SGCE: variants seen among roughly 807,000 people sequenced by gnomAD.
SGCE encodes the protein epsilon-sarcoglycan.
A neutral mutation model predicts 57.8 loss-of-function variants in SGCE; 26 were observed. The ratio of observed to expected loss-of-function variants is 0.45; its 90% CI spans 0.33 to 0.62. The LOEUF (loss-of-function observed/expected upper bound fraction) is 0.62. Among genes scored for constraint, SGCE ranks in the 20% least tolerant of loss-of-function variants. SGCE has a pLI of 0.02. For synonymous variants in SGCE, 183 were observed against 189.5 expected, an observed-to-expected ratio of 0.97 and a Z score of 0.28; for missense variants, 468 against 548.6, an observed-to-expected ratio of 0.85 and a Z score of 1.47.
chr7:94,587,284 A>G (rs1797035508), intron 10 of SGCE: 1 of 989,270 alleles, frequency 1.0e-6, no homozygotes, highest in South Asian at 4.7e-5. Context: ...CCCTAATATC[A>G]TCTACTCAAG....
intron 5 of SGCE, among the ~76,000 whole-genome samples, chr7:94,615,917 T>C (rs1801863365): frequency 6.6e-6 from 1 of 152,164 alleles, no homozygotes; most frequent in African/African-American, 2.4e-5. Flanking sequence ...GGAGGAAAAG[T>C]AGCACCAAGA....
intron 4 of SGCE, chr7:94,621,742 A>G (rs760745602): frequency 6.6e-6 from 1 of 152,198 alleles, no homozygotes; most frequent in African/African-American, 2.4e-5. Flanking sequence ...TATTCTGCTC[A>G]TTAAGTGTAT....
chr7:94,636,240 T>C (rs1805577853), intron 1 of SGCE, among the ~76,000 whole-genome samples: 1 of 152,204 alleles, frequency 6.6e-6, no homozygotes, highest in Non-Finnish European at 1.5e-5. Flanking sequence ...TGCTAATTGG[T>C]GATCAATAAG....
At chr7:94,608,285 G>A (rs1005900269) in intron 5 of SGCE, among the ~76,000 whole-genome samples, 15 of 152,130 alleles carry the variant, frequency 9.9e-5, no homozygotes, top group Admixed American at 5.9e-4. Context: ...GCAGTGAGCC[G>A]AGATTGTGCC....
chr7:94,655,489 T>C (rs1050171402), intron 1 of SGCE, among the ~76,000 whole-genome samples: 2 of 151,802 alleles, frequency 1.3e-5, no homozygotes, highest in African/African-American at 4.8e-5. Context: ...GTTTTAAATG[T>C]CACATTTTTG....
intron 1 of SGCE, among the ~76,000 whole-genome samples, chr7:94,631,170 C>A (rs1804658224): frequency 6.6e-6 from 1 of 151,930 alleles, no homozygotes; most frequent in Non-Finnish European, 1.5e-5. Context: ...CATAAGTGAT[C>A]TTCCCCTGTG....
Position 94,618,749 on chromosome 7 carries a change from T to C in SGCE, c.662+9A>G. 6.2e-7 allele frequency: 1 copy of C among 1,608,964 alleles called. No individual in the cohort carries two copies. Among genetic ancestry groups the C allele is most frequent in the Middle Eastern group, 1.7e-4 (1 of 6,052 alleles). The stretch of plus-strand genomic sequence containing the variant: ...TATATTTAAGGCAATGAGATAAAGA[T>C]CTGCTTACCCCTCCTTCAGGTCATT... On this transcript the variant is annotated intron_variant, in intron 5 of 10. Transcript: ENST00000648936.
chr7:94,604,643 G>C (rs989814789), intron 5 of SGCE, among the ~76,000 whole-genome samples: 1 of 151,390 alleles, frequency 6.6e-6, no homozygotes, highest in Non-Finnish European at 1.5e-5. Context: ...GGAAAGAATA[G>C]TTGTTATAAC....
At chr7:94,614,270 AG>A (rs1424986557) in intron 5 of SGCE, among the ~76,000 whole-genome samples, 2 of 152,130 alleles carry the variant, frequency 1.3e-5, no homozygotes, top group Non-Finnish European at 2.9e-5. Flanking sequence ...ATCCTCTGGC[AG>A]GGGAAAATGG....
intron 1 of SGCE, among the ~76,000 whole-genome samples, chr7:94,654,501 G>T (rs1808319146): frequency 6.6e-6 from 1 of 152,210 alleles, no homozygotes; most frequent in Admixed American, 6.5e-5. Flanking sequence ...TCTTGCAGAA[G>T]AGGGTGAACA....
chr7:94,639,491 T>C, intron 1 of SGCE: 1 of 1,214,274 alleles, frequency 8.2e-7, no homozygotes, highest in Non-Finnish European at 1.2e-6. Flanking sequence ...GAAATTAATG[T>C]CATGATTTTT....
chr7:94,593,670 G>GT (rs1458858096), intron 9 of SGCE, among the ~76,000 whole-genome samples: 1 of 151,940 alleles, frequency 6.6e-6, no homozygotes, highest in East Asian at 1.9e-4. Flanking sequence ...TCCTCAGGCA[G>GT]TTTAAGGAGG....
At chr7:94,643,799 A>G (rs1806706263) in intron 1 of SGCE, among the ~76,000 whole-genome samples, 1 of 152,208 alleles carries the variant, frequency 6.6e-6, no homozygotes, top group Non-Finnish European at 1.5e-5. Flanking sequence ...AAAGGCTAGT[A>G]TTTTAAAGTT....
chr7:94,656,083 A>C lies in SGCE; in HGVS notation c.16T>G (p.Trp6Gly), dbSNP rs1808635628. The C allele has an allele frequency of 2.5e-6, 4 of 1,610,168 alleles. No individual in the cohort carries two copies. The highest frequency in any genetic ancestry group is 1.7e-4 in the Middle Eastern group (1 of 6,056). ...GCACAGGGGTCTCCCAGCTCCCACCACCGGGGCAATTGCATTCTTGGCCTG... is the reference window on the plus strand; with the variant it reads ...GCACAGGGGTCTCCCAGCTCCCACCCCCGGGGCAATTGCATTCTTGGCCTG... MQLPR[W>G]WELGDPCAWT... is the part of the protein sequence containing the mutation. The change falls in exon 1 of 11, where the codon TGG becomes GGG. Residue 6 changes from tryptophan (W) to glycine (G), a missense_variant. Physicochemically the swap from Trp to Gly is radical, Grantham distance 184. Coordinates refer to ENST00000648936, the MANE Select transcript of SGCE (RefSeq NM_003919.3).
intron 9 of SGCE, chr7:94,589,794 AG>A: frequency 5.3e-6 from 1 of 188,136 alleles, no homozygotes; most frequent in South Asian, 1.4e-4. Flanking sequence ...AAACAAGCTG[AG>A]GGCTCCCACT....
At chr7:94,617,843 C>G (rs1297292685) in intron 5 of SGCE, 3 of 152,108 alleles carry the variant, frequency 2.0e-5, no homozygotes, top group Admixed American at 2.0e-4. Context: ...TAAAGCTATC[C>G]TTAAATTTAA....
chr7:94,629,584 T>C lies in SGCE; in HGVS notation c.232+135A>G, dbSNP rs1584699553. 3 of 819,908 alleles carry C rather than the reference T, an allele frequency of 3.7e-6. No homozygotes were observed. In the East Asian group the frequency reaches 8.1e-5, roughly 22 times the overall value. 50.8% of individuals were successfully genotyped at this position (819,908 alleles called of 1,614,324 possible). A position where few individuals can be genotyped will look rare whatever the true frequency, so the allele number is the denominator to read the frequency against. Reference sequence around the variant, plus strand: ...ATTTCTAATCTGTAAATGAGAAATATCCTACAACAATTTATCACATATTTA... The same window carrying C: ...ATTTCTAATCTGTAAATGAGAAATACCCTACAACAATTTATCACATATTTA... On this transcript the variant is annotated intron_variant, in intron 2 of 10. Transcript: ENST00000648936.
chr7:94,638,370 T>C (rs2117031842), intron 1 of SGCE, among the ~76,000 whole-genome samples: 1 of 152,222 alleles, frequency 6.6e-6, no homozygotes, highest in East Asian at 1.9e-4. Flanking sequence ...TGAAGAATAA[T>C]TCGGTTCCAG....
At chr7:94,623,675 G>T (rs1803202291) in intron 3 of SGCE, 2 of 447,162 alleles carry the variant, frequency 4.5e-6, no homozygotes, top group African/African-American at 2.0e-5. Context: ...TAGCAATGCA[G>T]ATGCATCATT....
Sources: allele counts gnomAD v4.1 joint callset (sites outside exome capture counted in the v4.1 genomes callset), GRCh38; gene constraint gnomAD v4.1.1; transcripts MANE v1.5; gene names NCBI Gene and HGNC (gene_info 2026-07-23, HGNC 2026-07-21).